Variants in MICU3 observed in about 807,000 individuals in gnomAD.
MICU3 encodes the protein calcium uptake protein 3, mitochondrial.
In MICU3, 62 loss-of-function variants were observed where a neutral mutation model predicts 66.5. That is an observed-to-expected ratio of 0.93 (90% confidence interval 0.76 to 1.15). The LOEUF (loss-of-function observed/expected upper bound fraction) is 1.15, where lower values mean the gene tolerates loss of function less well. MICU3 is among the 50% of genes most tolerant of loss of function. The pLI, the probability that MICU3 is intolerant of heterozygous loss-of-function variation, is 0.00. For missense variants in MICU3, 779 were observed against 664.4 expected, an observed-to-expected ratio of 1.17 and a Z score of -1.90; for synonymous variants, 308 against 240.7, an observed-to-expected ratio of 1.28 and a Z score of -2.59.
intron 2 of MICU3, among the ~76,000 whole-genome samples, chr8:17,067,511 C>T (rs953887367): frequency 2.0e-5 from 3 of 151,964 alleles, no homozygotes; most frequent in African/African-American, 7.3e-5. Context: ...CTCACTGCAA[C>T]CTCCGCTTCC....
chr8:17,044,563 A>G (rs1341808865), intron 1 of MICU3, among the ~76,000 whole-genome samples: 1 of 152,204 alleles, frequency 6.6e-6, no homozygotes, highest in East Asian at 1.9e-4. Flanking sequence ...ATTGTGGTAT[A>G]TTGATTGACT....
At chr8:17,038,814 G>C (rs567140331) in intron 1 of MICU3, among the ~76,000 whole-genome samples, 1 of 152,140 alleles carries the variant, frequency 6.6e-6, no homozygotes, top group East Asian at 1.9e-4. Flanking sequence ...TTAGCCAGGC[G>C]TGGTGGCAGT....
At chr8:17,050,173 CTT>C (rs1306365821) in intron 1 of MICU3, among the ~76,000 whole-genome samples, 2 of 152,024 alleles carry the variant, frequency 1.3e-5, no homozygotes, top group Non-Finnish European at 2.9e-5. Context: ...TTAATAGAAA[CTT>C]AAAATTATCT....
At chr8:17,047,530 A>G (rs189732313) in intron 1 of MICU3, among the ~76,000 whole-genome samples, 233 of 152,314 alleles carry the variant, frequency 1.5e-3, no homozygotes, top group African/African-American at 5.2e-3. Context: ...GATCAATAAA[A>G]ATATTTAGTC....
chr8:17,090,684 A>T (rs1265757916), intron 8 of MICU3, 100 bp downstream of exon 8: 1 of 906,624 alleles, frequency 1.1e-6, no homozygotes, highest in African/African-American at 1.7e-5. Flanking sequence ...CTGTTTACTA[A>T]TAGAATGTTT....
intron 11 of MICU3, among the ~76,000 whole-genome samples, chr8:17,110,997 C>T (rs1802156763): frequency 6.6e-6 from 1 of 152,108 alleles, no homozygotes; most frequent in Non-Finnish European, 1.5e-5. Context: ...ATCCATTCAT[C>T]CTTCCATAGA....
chr8:17,052,803 A>G (rs1327678754), intron 1 of MICU3, among the ~76,000 whole-genome samples: 1 of 152,210 alleles, frequency 6.6e-6, no homozygotes, highest in African/African-American at 2.4e-5. Context: ...ATGCCTTTAA[A>G]TAAGCCTGAA....
chr8:17,108,779 C>T (rs1306415534), intron 11 of MICU3, among the ~76,000 whole-genome samples: 2 of 152,116 alleles, frequency 1.3e-5, no homozygotes, highest in Non-Finnish European at 2.9e-5. Context: ...ACTGTGATTT[C>T]GATCATACCA....
intron 7 of MICU3, 100 bp from the exon 8 acceptor site, chr8:17,090,446 C>G (rs1176356040): frequency 3.1e-6 from 3 of 963,252 alleles, no homozygotes; most frequent in Non-Finnish European, 4.8e-6. Context: ...TTTGCCCTTC[C>G]TAATTGATTA....
intron 13 of MICU3, 71 bp downstream of exon 13, chr8:17,116,671 A>G (rs1585573885): frequency 8.8e-7 from 1 of 1,134,792 alleles, no homozygotes; most frequent in South Asian, 1.7e-5. Context: ...ATCTAAGTTG[A>G]GAAATAATTT....
chr8:17,128,759 C>G, the MICU3 span, among the ~76,000 whole-genome samples: 1 of 151,952 alleles, frequency 6.6e-6, no homozygotes, highest in Non-Finnish European at 1.5e-5. Flanking sequence ...GGAGCCCAGA[C>G]AAAAAAGAGT....
chr8:17,098,394 T>A, intron 8 of MICU3, 64 bp from the exon 9 acceptor site: 6 of 1,066,532 alleles, frequency 5.6e-6, no homozygotes, highest in Non-Finnish European at 8.8e-6. Context: ...ATTTAAAGTG[T>A]ATAAATTATC....
rs1219009885 is a variant in MICU3 at position 17,027,597 on chromosome 8, G to GCCCGAGGACCCGC, written c.323_335dup (p.Arg114ProfsTer27). The GCCCGAGGACCCGC allele has an allele frequency of 1.2e-5, 16 of 1,302,154 alleles. No individual in the cohort carries two copies. Among genetic ancestry groups the GCCCGAGGACCCGC allele is most frequent in the Non-Finnish European group, 1.6e-5 (16 of 1,029,236 alleles). 80.7% of individuals were successfully genotyped at this position (1,302,154 alleles called of 1,614,324 possible). On this transcript the variant is annotated frameshift_variant, in exon 1 of 15. Transcript: ENST00000318063. LOFTEE classifies it high-confidence loss of function. ...GACCCTCAAAGAGCGCGGCCACGGA[G>GCCCGAGGACCCGC]CCCGAGGACCCGCCCCGCGGCCGGG...
At chr8:17,135,121 C>A in the MICU3 span, among the ~76,000 whole-genome samples, 1 of 150,696 alleles carries the variant, frequency 6.6e-6, no homozygotes, top group Non-Finnish European at 1.5e-5. Flanking sequence ...GGACATTTGG[C>A]CAGGCGCAGT....
intron 5 of MICU3, 69 bp downstream of exon 5, chr8:17,081,809 C>G: frequency 1.4e-6 from 1 of 693,912 alleles, no homozygotes; most frequent in Non-Finnish European, 2.5e-6. Flanking sequence ...GAAAGCAGAT[C>G]TTAGGTTCTC....
intron 3 of MICU3, among the ~76,000 whole-genome samples, chr8:17,070,404 A>T (rs1489455282): frequency 6.6e-6 from 1 of 152,146 alleles, no homozygotes; most frequent in East Asian, 1.9e-4. Context: ...ATTTGTATAA[A>T]GTCCAAAACT....
Position 17,027,670 on chromosome 8 carries a change from C to T in MICU3, c.381+10C>T. 7.8e-7 allele frequency: 1 copy of T among 1,287,604 alleles called. No homozygotes were observed. Among genetic ancestry groups the T allele is most frequent in the Non-Finnish European group, 9.8e-7 (1 of 1,020,200 alleles). 79.8% of individuals were successfully genotyped at this position (1,287,604 alleles called of 1,614,324 possible). A position where few individuals can be genotyped will look rare whatever the true frequency, so the allele number is the denominator to read the frequency against. ...GGCTGCCAAGGAGACGGTGAGTGCG[C>T]GAGCGCGCGTCACACCTGCGCGGGG... On this transcript the variant is annotated intron_variant, in intron 1 of 14. Coordinates refer to ENST00000318063, the MANE Select transcript of MICU3 (RefSeq NM_181723.3).
At chr8:17,138,618 T>C in the MICU3 span, among the ~76,000 whole-genome samples, 1 of 152,094 alleles carries the variant, frequency 6.6e-6, no homozygotes, top group Admixed American at 6.6e-5. Context: ...GAATGAGAAA[T>C]AATTAAAAGT....
chr8:17,052,777 C>G (rs945525880), intron 1 of MICU3, among the ~76,000 whole-genome samples: 1 of 152,098 alleles, frequency 6.6e-6, no homozygotes, highest in African/African-American at 2.4e-5. Context: ...AAAATGCTAC[C>G]TCTTTTATCT....
Sources: allele counts gnomAD v4.1 joint callset (sites outside exome capture counted in the v4.1 genomes callset), GRCh38; gene constraint gnomAD v4.1.1; transcripts MANE v1.5; gene names NCBI Gene and HGNC (gene_info 2026-07-23, HGNC 2026-07-21).